Variants in TSNARE1 observed in about 807,000 individuals in gnomAD.
TSNARE1 encodes t-SNARE domain containing 1.
TSNARE1 carries 49 observed loss-of-function variants against 62.0 expected under a neutral mutation model. The ratio of observed to expected loss-of-function variants is 0.79; its 90% CI spans 0.63 to 1.00. TSNARE1 has a LOEUF of 1.00. Among genes scored for constraint, TSNARE1 ranks in the 50% least tolerant of loss-of-function variants. TSNARE1 has a pLI of 0.00. For synonymous variants in TSNARE1, 328 were observed against 294.4 expected (o/e 1.11, Z -1.17); for missense variants, 755 against 700.1 (o/e 1.08, Z -0.88).
rs1829227315 is a variant in TSNARE1 at position 142,319,947 on chromosome 8, A to G, written c.894-1313T>C. The stretch of plus-strand genomic sequence containing the variant: ...CGCCTCCTCCTGCAGCTGGCGTCTG[A>G]GGCTTTGGAGAGCCTCCAGTGCCTC... On this transcript the variant is annotated intron_variant, in intron 6 of 13. Transcript: ENST00000524325. This position sits in a 1 kb window ranked among gnomAD's most constrained non-coding sequence, Gnocchi z 4.9. Among the ~76,000 whole-genome samples, 2 of 152,150 alleles carry G rather than the reference A, an allele frequency of 1.3e-5. No homozygotes were observed. The highest frequency in any genetic ancestry group is 1.5e-5 in the Non-Finnish European group (1 of 68,010).
intron 1 of TSNARE1, among the ~76,000 whole-genome samples, chr8:142,373,332 A>C (rs550050331): frequency 6.6e-6 from 1 of 152,202 alleles, no homozygotes; most frequent in Admixed American, 6.5e-5. Context: ...CAGCTGGGTG[A>C]TCTCAAAGGT....
chr8:142,246,144 G>A (rs999911519), intron 12 of TSNARE1, among the ~76,000 whole-genome samples: 6 of 152,126 alleles, frequency 3.9e-5, no homozygotes, highest in Admixed American at 2.0e-4. Flanking sequence ...TCCCAAAGAG[G>A]GTGTCCACTT....
At position 142,291,659 on chromosome 8, in the gene TSNARE1, G is replaced by A. The variant is rs779595764; in HGVS notation, c.1291-7174C>T. 9.2e-5 allele frequency among the ~76,000 whole-genome samples: 14 copies of A among 152,284 alleles called. No individual in the cohort carries two copies. The highest frequency in any genetic ancestry group is 1.3e-4 in the Non-Finnish European group (9 of 68,038). ...GAACAGGCAACGCCGTTGCCTCCGC[G>A]GGCTTACGCTCGAGTGGCGAGAGAT... On this transcript the variant is annotated intron_variant, in intron 10 of 13. Coordinates refer to ENST00000524325, the MANE Select transcript of TSNARE1 (RefSeq NM_145003.5). The surrounding 1 kb of genome is among the most constrained non-coding windows in gnomAD (Gnocchi z 4.8).
chr8:142,229,427 G>T, intron 13 of TSNARE1, 46 bp downstream of exon 13: 3 of 1,420,338 alleles, frequency 2.1e-6, no homozygotes, highest in South Asian at 2.3e-5. Context: ...AATGGATGGT[G>T]GATGTGCAGA....
chr8:142,250,978 C>T (rs761168028), intron 12 of TSNARE1, among the ~76,000 whole-genome samples: 24 of 152,346 alleles, frequency 1.6e-4, no homozygotes, highest in African/African-American at 5.1e-4. Context: ...CCCGTAAGGG[C>T]GGCTCAGCCT....
At position 142,318,772 on chromosome 8, in the gene TSNARE1, G is replaced by A; in HGVS notation, c.894-138C>T. 5.6e-6 allele frequency: 4 copies of A among 717,620 alleles called. No individual in the cohort carries two copies. In the South Asian group the frequency reaches 6.6e-5, roughly 12 times the overall value. 44.5% of individuals were successfully genotyped at this position (717,620 alleles called of 1,614,324 possible). A position where few individuals can be genotyped will look rare whatever the true frequency, so the allele number is the denominator to read the frequency against. On this transcript the variant is annotated intron_variant, in intron 6 of 13. Coordinates refer to ENST00000524325, the MANE Select transcript of TSNARE1 (RefSeq NM_145003.5). Reference sequence around the variant, plus strand: ...ACAGATGGATGGACAGGCGGAGAGAGGGCCGAGAGACACACAGAGACAGAG... The same window carrying A: ...ACAGATGGATGGACAGGCGGAGAGAAGGCCGAGAGACACACAGAGACAGAG...
chr8:142,353,474 C>T (rs1834366842), intron 2 of TSNARE1, among the ~76,000 whole-genome samples: 1 of 152,166 alleles, frequency 6.6e-6, no homozygotes, highest in East Asian at 1.9e-4. Flanking sequence ...CTGTGAGGCG[C>T]TAAGTGGTGA....
chr8:142,365,596 G>GCACACGCACACACACACA lies in TSNARE1; in HGVS notation c.-39-10851_-39-10834dup, dbSNP rs1554674567. Among the ~76,000 whole-genome samples, 4 of 113,322 alleles carry GCACACGCACACACACACA rather than the reference G, an allele frequency of 3.5e-5. No homozygotes were observed. The South Asian group carries it at 8.9e-4, about 25-fold the overall frequency. The allele number at this position is 113,322 out of a possible 152,430, so 74.3% of individuals were successfully genotyped here. Reference sequence around the variant, plus strand: ...TGAGAAAAACCATCCATAAACACATGCACACGCACACACACACACACACAC... The same window carrying GCACACGCACACACACACA: ...TGAGAAAAACCATCCATAAACACATGCACACGCACACACACACACACACGCACACACACACACACACAC... On this transcript the variant is annotated intron_variant, in intron 1 of 13. Transcript: ENST00000524325.
chr8:142,249,023 C>T (rs1008565832), intron 12 of TSNARE1, among the ~76,000 whole-genome samples: 3 of 152,214 alleles, frequency 2.0e-5, no homozygotes, highest in African/African-American at 7.2e-5. Context: ...CTCTCAAAGC[C>T]TGAGTCTCCA....
chr8:142,225,089 C>G (rs1816710797), intron 13 of TSNARE1, among the ~76,000 whole-genome samples: 3 of 152,114 alleles, frequency 2.0e-5, no homozygotes, highest in Admixed American at 2.0e-4. Flanking sequence ...TGCTTGGCCC[C>G]AAGGCCCACT....
intron 1 of TSNARE1, among the ~76,000 whole-genome samples, chr8:142,402,233 C>A (rs1838345620): frequency 6.6e-6 from 1 of 152,112 alleles, no homozygotes; most frequent in South Asian, 2.1e-4. Flanking sequence ...GCAGCACGCG[C>A]GAGGCCCATT....
intron 4 of TSNARE1, among the ~76,000 whole-genome samples, chr8:142,341,641 G>C (rs1341499837): frequency 6.6e-6 from 1 of 152,170 alleles, no homozygotes; most frequent in Non-Finnish European, 1.5e-5. Flanking sequence ...TCCCACCCGG[G>C]ACCACCTCCT....
chr8:142,306,980 G>A (rs887483020), intron 9 of TSNARE1, among the ~76,000 whole-genome samples: 2 of 152,188 alleles, frequency 1.3e-5, no homozygotes, highest in Non-Finnish European at 2.9e-5. Context: ...GCCCCCAACA[G>A]AGGAGAACCC....
At chr8:142,227,988 C>A (rs1307828573) in intron 13 of TSNARE1, among the ~76,000 whole-genome samples, 1 of 152,246 alleles carries the variant, frequency 6.6e-6, no homozygotes. Context: ...GTGGCATCCA[C>A]CCTGTTCCCT....
At chr8:142,307,082 T>C (rs1826818221) in intron 9 of TSNARE1, among the ~76,000 whole-genome samples, 1 of 152,218 alleles carries the variant, frequency 6.6e-6, no homozygotes, top group Non-Finnish European at 1.5e-5. Context: ...GGTCTCAGGC[T>C]TCTTGGACTC....
upstream of TSNARE1, chr8:142,403,307 G>A (rs1445199304): frequency 6.6e-6 from 1 of 151,938 alleles, no homozygotes; most frequent in Non-Finnish European, 1.5e-5. Flanking sequence ...CGGCGCGGAC[G>A]GCGGTCGGCT....
At chr8:142,261,093 G>A (rs1818859605) in intron 12 of TSNARE1, among the ~76,000 whole-genome samples, 1 of 59,266 alleles carries the variant, frequency 1.7e-5, no homozygotes, top group Non-Finnish European at 3.5e-5. Context: ...GGAGGAAGGA[G>A]GGAAGAGAGG....
chr8:142,271,855 T>C (rs2130505558), intron 12 of TSNARE1, among the ~76,000 whole-genome samples: 1 of 152,056 alleles, frequency 6.6e-6, no homozygotes. Flanking sequence ...GTTTGAGAGA[T>C]GAGGAAACAG....
intron 1 of TSNARE1, among the ~76,000 whole-genome samples, chr8:142,382,615 C>A (rs1430382557): frequency 1.3e-5 from 2 of 152,152 alleles, no homozygotes; most frequent in Non-Finnish European, 2.9e-5. Context: ...CATGGGGTGG[C>A]CAGGAGAAGC....
Sources: allele counts gnomAD v4.1 joint callset (sites outside exome capture counted in the v4.1 genomes callset), GRCh38; gene constraint gnomAD v4.1.1; non-coding constraint Gnocchi (gnomAD v3.1); transcripts MANE v1.5; gene names NCBI Gene and HGNC (gene_info 2026-07-23, HGNC 2026-07-21).